Variants in ZFP64 observed in about 807,000 individuals in gnomAD.
The protein encoded by ZFP64 is ZFP64 zinc finger protein, also known as zinc finger protein 64.
In ZFP64, 14 loss-of-function variants were observed where a neutral mutation model predicts 51.6. That is an observed-to-expected ratio of 0.27 (90% CI 0.18 to 0.42). The LOEUF is 0.42. ZFP64 is among the 10% of genes least tolerant of loss of function. ZFP64 has a pLI of 1.00. For missense variants in ZFP64, 754 were observed against 906.8 expected (o/e 0.83, Z 2.16); for synonymous variants, 375 against 361.4 (o/e 1.04, Z -0.43).
chr20:52,176,463 C>G (rs559907669), intron 2 of ZFP64, among the ~76,000 whole-genome samples: 4 of 151,694 alleles, frequency 2.6e-5, no homozygotes, highest in Admixed American at 2.6e-4. Flanking sequence ...GCTGTACAGT[C>G]TGGAAAACCC....
intron 5 of ZFP64, among the ~76,000 whole-genome samples, chr20:52,109,577 G>A (rs537236697): frequency 3.3e-5 from 5 of 152,042 alleles, no homozygotes; most frequent in Non-Finnish European, 5.9e-5. Flanking sequence ...TCAGGAGTTC[G>A]AGACCAGCTT....
At chr20:52,175,272 G>A (rs1050388703) in intron 2 of ZFP64, among the ~76,000 whole-genome samples, 6 of 152,040 alleles carry the variant, frequency 3.9e-5, no homozygotes, top group African/African-American at 7.2e-5. Context: ...ACAGGTATGC[G>A]CCACCACGCC....
intron 5 of ZFP64, among the ~76,000 whole-genome samples, chr20:52,098,861 G>C (rs917243037): frequency 6.6e-6 from 1 of 151,934 alleles, no homozygotes; most frequent in African/African-American, 2.4e-5. Flanking sequence ...AATCAGCCAG[G>C]CATGGTGGTA....
chr20:52,110,588 G>T, intron 5 of ZFP64: 1 of 721,584 alleles, frequency 1.4e-6, no homozygotes, highest in Non-Finnish European at 2.4e-6. Context: ...TGCTTCCAGA[G>T]GGCCTAGCGG....
At position 52,191,565 on chromosome 20, in the gene ZFP64, C is replaced by T; in HGVS notation, c.46+26G>A. On this transcript the variant is annotated intron_variant, in intron 1 of 5. Transcript: ENST00000216923. This position sits in a 1 kb window ranked among gnomAD's most constrained non-coding sequence, Gnocchi z 4.3. The stretch of plus-strand genomic sequence containing the variant: ...GGAGCGCGCACTGGGCCCCGGAGCG[C>T]GCACTGCTCCCGGAAAAGCACTTAC... 2 of 1,564,792 alleles carry T rather than the reference C, an allele frequency of 1.3e-6. No individual in the cohort carries two copies. The highest frequency in any genetic ancestry group is 1.7e-6 in the Non-Finnish European group (2 of 1,160,232).
chr20:52,152,942 G>C lies in ZFP64; in HGVS notation c.1250C>G (p.Ala417Gly). The change falls in exon 6 of 6, where the codon GCC becomes GGC. Residue 417 changes from alanine (A) to glycine (G), a missense_variant. By Grantham distance (60) the Ala-to-Gly change is moderately conservative (BLOSUM62 0). Coordinates refer to ENST00000216923, the MANE Select transcript of ZFP64 (RefSeq NM_018197.3). ...DTGRQSSRQVAKLDAKKSFHC... is the reference protein window; with the variant it reads ...DTGRQSSRQVGKLDAKKSFHC... ...GAAACTCTTCTTGGCATCCAGCTTG[G>C]CCACCTGCCGGCTGCTCTGCCTGCC... 6.2e-7 allele frequency: 1 copy of C among 1,613,628 alleles called. No homozygotes were observed. Among genetic ancestry groups the C allele is most frequent in the Non-Finnish European group, 8.5e-7 (1 of 1,180,030 alleles).
At chr20:52,161,446 CTTTCTTT>C (rs1264604897) in intron 4 of ZFP64, among the ~76,000 whole-genome samples, 7 of 127,722 alleles carry the variant, frequency 5.5e-5, no homozygotes, top group Admixed American at 3.5e-4. Flanking sequence ...CTTGTGATTG[CTTTCTTT>C]TTTTTTTTTT....
chr20:52,117,425 C>T (rs1479748154), intron 5 of ZFP64, among the ~76,000 whole-genome samples: 2 of 152,102 alleles, frequency 1.3e-5, no homozygotes. Flanking sequence ...TTGCGATCTG[C>T]CTGCCCAACA....
intron 3 of ZFP64, 61 bp downstream of exon 3, chr20:52,165,803 G>C: frequency 6.2e-7 from 1 of 1,605,886 alleles, no homozygotes; most frequent in South Asian, 1.1e-5. Context: ...ATGAGGAGGA[G>C]CCCTGGAGCC....
At chr20:52,109,795 A>AAAAG (rs1555880823) in intron 5 of ZFP64, among the ~76,000 whole-genome samples, 4 of 151,574 alleles carry the variant, frequency 2.6e-5, no homozygotes, top group Admixed American at 6.6e-5. Flanking sequence ...AAAAAAAAAA[A>AAAAG]AAAAAAAGAA....
chr20:52,132,153 T>C (rs1979752202), intron 5 of ZFP64, among the ~76,000 whole-genome samples: 1 of 151,986 alleles, frequency 6.6e-6, no homozygotes, highest in Admixed American at 6.6e-5. Flanking sequence ...AAGAAGAAAA[T>C]TTAAAATTTC....
chr20:52,164,678 A>G lies in ZFP64; in HGVS notation c.511+17T>C. 6.2e-7 allele frequency: 1 copy of G among 1,612,454 alleles called. No homozygotes were observed. Among genetic ancestry groups the G allele is most frequent in the Non-Finnish European group, 8.5e-7 (1 of 1,179,002 alleles). Reference sequence around the variant, plus strand: ...AGCAGGTGTTGAGGGCATATGCGCTAAAGAAATGCTACTTACCCGTGTGAA... The same window carrying G: ...AGCAGGTGTTGAGGGCATATGCGCTGAAGAAATGCTACTTACCCGTGTGAA... On this transcript the variant is annotated intron_variant, in intron 4 of 5. Transcript: ENST00000216923.
intron 5 of ZFP64, among the ~76,000 whole-genome samples, chr20:52,122,642 C>T (rs1331773235): frequency 6.6e-6 from 1 of 152,084 alleles, no homozygotes; most frequent in African/African-American, 2.4e-5. Flanking sequence ...AAAGAACATT[C>T]ATGATTCATG....
intron 5 of ZFP64, among the ~76,000 whole-genome samples, chr20:52,108,507 C>CT (rs879700921): frequency 0.024 from 3,419 of 144,206 alleles, 120 homozygotes; most frequent in African/African-American, 0.076. Context: ...AGTTTATTAC[C>CT]TTTTTTTTTT....
intron 5 of ZFP64, chr20:52,110,827 A>G (rs1026618321): frequency 3.2e-5 from 51 of 1,600,704 alleles, no homozygotes; most frequent in Non-Finnish European, 4.3e-5. Flanking sequence ...ACTCAGCTCC[A>G]TGTTCAGCTT....
At chr20:52,089,579 C>A (rs2078900346) in intron 7 of ZFP64, among the ~76,000 whole-genome samples, 1 of 151,724 alleles carries the variant, frequency 6.6e-6, no homozygotes, top group Non-Finnish European at 1.5e-5. Context: ...TGTCTTTACA[C>A]AAAAAATACA....
rs6013395 is a variant in ZFP64 at position 52,119,553 on chromosome 20, T to C, written c.764-20966A>G. 5.0e-3 allele frequency among the ~76,000 whole-genome samples: 423 copies of C among 84,024 alleles called. 1 individual carries two copies. Among genetic ancestry groups the C allele is most frequent in the African/African-American group, 0.01 (216 of 21,286 alleles). The allele number at this position is 84,024 out of a possible 152,430, so 55.1% of individuals were successfully genotyped here. A position where few individuals can be genotyped will look rare whatever the true frequency, so the allele number is the denominator to read the frequency against. On this transcript the variant is annotated intron_variant, in intron 5 of 8. Transcript: ENST00000361387. ...AAAAAAATATATATATATATATATA[T>C]ACATATATATATATACACACACAAC...
At chr20:52,139,854 T>C (rs532418025) in intron 5 of ZFP64, among the ~76,000 whole-genome samples, 1 of 151,448 alleles carries the variant, frequency 6.6e-6, no homozygotes, top group Non-Finnish European at 1.5e-5. Context: ...AGTTGTTTTT[T>C]TTTTTTTTTT....
chr20:52,111,105 C>A (rs778309244), intron 5 of ZFP64: 5 of 904,200 alleles, frequency 5.5e-6, no homozygotes, highest in Admixed American at 2.0e-5. Context: ...GGGAGAGAGA[C>A]GCGGAGCGGG....
Sources: allele counts gnomAD v4.1 joint callset (sites outside exome capture counted in the v4.1 genomes callset), GRCh38; gene constraint gnomAD v4.1.1; non-coding constraint Gnocchi (gnomAD v3.1); transcripts MANE v1.5; gene names NCBI Gene and HGNC (gene_info 2026-07-23, HGNC 2026-07-21).